The following DHX57 variants were observed in gnomAD, a reference collection of about 807,000 sequenced individuals.
DHX57 encodes the protein putative ATP-dependent RNA helicase DHX57.
Under a neutral mutation model 156.2 loss-of-function variants are expected in DHX57, and 105 were observed. That is an observed-to-expected ratio of 0.67 (90% confidence interval 0.57 to 0.79). DHX57 has a LOEUF of 0.79. DHX57 is among the 30% of genes least tolerant of loss of function. The pLI, the probability that DHX57 is intolerant of heterozygous loss-of-function variation, is 0.00. For missense variants in DHX57, 1,847 were observed against 1,661.9 expected (o/e 1.11, Z -1.94); for synonymous variants, 704 against 595.6 (o/e 1.18, Z -2.65).
Position 38,861,704 on chromosome 2 carries a change from C to A in DHX57, c.706G>T (p.Val236Phe). 1 of 1,614,200 alleles carries A rather than the reference C, an allele frequency of 6.2e-7. No individual in the cohort carries two copies. The highest frequency in any genetic ancestry group is 1.3e-5 in the African/African-American group (1 of 75,058). Residue 236 changes from valine to phenylalanine, a missense_variant, in exon 5 of 24, where the codon GTC becomes TTC. Physicochemically the swap from Val to Phe is conservative, Grantham distance 50. Transcript: ENST00000457308. ...CACTCATCCAAGCTTATCTGGTTGA[C>A]TGCCTCAGAGATCTTCATCCTCTCT... is the stretch of plus-strand genomic sequence containing the variant. ...FGERMKISEAVNQISLDECME... is the reference protein window; with the variant it reads ...FGERMKISEAFNQISLDECME...
At chr2:38,835,800 G>A (rs1209093429) in intron 13 of DHX57, among the ~76,000 whole-genome samples, 1 of 152,218 alleles carries the variant, frequency 6.6e-6, no homozygotes, top group Non-Finnish European at 1.5e-5. Flanking sequence ...GGACAAAGCT[G>A]TGTCCAGATG....
chr2:38,852,601 T>C (rs1041326639), intron 9 of DHX57, among the ~76,000 whole-genome samples: 2 of 151,328 alleles, frequency 1.3e-5, no homozygotes, highest in African/African-American at 4.8e-5. Context: ...TATTCAGACT[T>C]TTAATTTTTT....
Position 38,825,986 on chromosome 2 carries a change from G to A in DHX57, c.2875C>T (p.Leu959=). 1 of 1,614,198 alleles carries A rather than the reference G, an allele frequency of 6.2e-7. No homozygotes were observed. Among genetic ancestry groups the A allele is most frequent in the Non-Finnish European group, 8.5e-7 (1 of 1,180,032 alleles). Residue 959 remains leucine (L), a synonymous_variant, in exon 16 of 24, where the codon CTA becomes TTA. Coordinates refer to ENST00000457308, the MANE Select transcript of DHX57 (RefSeq NM_198963.3). The part of the protein sequence containing the change: ...EDTFVSQANA[L]QRKGRAGRVA... ...CGGCCTGCTCGGCCTTTCCTTTGTA[G>A]AGCATTAGCTTGAGATACAAAGGTG...
intron 9 of DHX57, 30 bp from the exon 10 acceptor site, chr2:38,848,432 TCAAA>T (rs778473587): frequency 6.4e-7 from 1 of 1,556,146 alleles, no homozygotes; most frequent in South Asian, 1.2e-5. Context: ...CACCTGAGGA[TCAAA>T]CAAATTCAAC....
chr2:38,855,311 A>C (rs1244573647), intron 7 of DHX57, 59 bp from the exon 8 acceptor site: 1 of 1,512,380 alleles, frequency 6.6e-7, no homozygotes, highest in Non-Finnish European at 9.2e-7. Flanking sequence ...TTAACTAAAG[A>C]AGCAATCATA....
intron 13 of DHX57, among the ~76,000 whole-genome samples, chr2:38,829,702 C>T (rs1671285456): frequency 6.6e-6 from 1 of 152,156 alleles, no homozygotes; most frequent in African/African-American, 2.4e-5. Flanking sequence ...TACAGGCATG[C>T]ACCACCACAC....
At chr2:38,810,622 G>T (rs1670193599) in intron 21 of DHX57, 2 of 640,756 alleles carry the variant, frequency 3.1e-6, no homozygotes, top group East Asian at 3.4e-5. Context: ...CTTGAAGATG[G>T]ATACCTGCAC....
chr2:38,853,965 T>A (rs1490097761), intron 9 of DHX57, 89 bp downstream of exon 9: 22 of 1,316,440 alleles, frequency 1.7e-5, no homozygotes, highest in Middle Eastern at 4.2e-4. Flanking sequence ...ACTAGCTGCA[T>A]GAAACTGAAT....
intron 22 of DHX57, 59 bp from the exon 23 acceptor site, chr2:38,802,974 C>G (rs1447265174): frequency 1.9e-6 from 3 of 1,579,288 alleles, no homozygotes; most frequent in Middle Eastern, 1.7e-4. Context: ...AAGGGAACAA[C>G]CCCCCAGTCC....
chr2:38,861,833 C>T lies in DHX57; in HGVS notation c.577G>A (p.Gly193Ser). 1 of 1,588,704 alleles carries T rather than the reference C, an allele frequency of 6.3e-7. No individual in the cohort carries two copies. The highest frequency in any genetic ancestry group is 8.6e-7 in the Non-Finnish European group (1 of 1,167,388). The change falls in exon 5 of 24, where the codon GGT (glycine) becomes AGT (serine). Residue 193 changes from glycine to serine, a missense_variant. Transcript: ENST00000457308. ...GCTTGACAGCGTTCAGTATTGAAAC[C>T]ATACCTGTCAAGGGCAAAACATGAC... is the stretch of plus-strand genomic sequence containing the variant. ...PFAVQKLSRY[G>S]FNTERCQAVL...
intron 23 of DHX57, among the ~76,000 whole-genome samples, chr2:38,800,363 A>G (rs1669624947): frequency 6.6e-6 from 1 of 152,120 alleles, no homozygotes; most frequent in Non-Finnish European, 1.5e-5. Context: ...CAAAAAAAAA[A>G]ATAAATAAGT....
intron 16 of DHX57, among the ~76,000 whole-genome samples, 196 bp from the exon 17 acceptor site, chr2:38,823,465 T>C (rs1670930370): frequency 6.6e-6 from 1 of 152,200 alleles, no homozygotes; most frequent in African/African-American, 2.4e-5. Flanking sequence ...AACAAAATTC[T>C]CTCTATAAAC....
Position 38,813,718 on chromosome 2 carries a change from C to T in DHX57, c.3681+103G>A, listed in dbSNP as rs563274378. On this transcript the variant is annotated intron_variant, in intron 21 of 23. Coordinates refer to ENST00000457308, the MANE Select transcript of DHX57 (RefSeq NM_198963.3). ...AAGGGTGTGCGTGTGTGCACACATG[C>T]GTATATATCTCTTTAAGATGATTAA... 2.8e-4 allele frequency: 370 copies of T among 1,339,360 alleles called. 1 individual carries two copies. Among genetic ancestry groups the T allele is most frequent in the South Asian group, 2.4e-3 (197 of 83,112 alleles). 83.0% of individuals were successfully genotyped at this position (1,339,360 alleles called of 1,614,324 possible).
intron 12 of DHX57, among the ~76,000 whole-genome samples, chr2:38,839,275 C>A (rs1441596782): frequency 6.6e-6 from 1 of 151,310 alleles, no homozygotes; most frequent in Non-Finnish European, 1.5e-5. Flanking sequence ...GGGTGACTAA[C>A]TCTTCAAAGA....
chr2:38,835,765 A>C (rs1390641132), intron 13 of DHX57, among the ~76,000 whole-genome samples: 1 of 152,220 alleles, frequency 6.6e-6, no homozygotes, highest in Non-Finnish European at 1.5e-5. Flanking sequence ...GAAAGCCATC[A>C]AGCCTAAAAC....
intron 13 of DHX57, among the ~76,000 whole-genome samples, chr2:38,834,570 T>C (rs1244209008): frequency 1.3e-5 from 2 of 152,200 alleles, no homozygotes; most frequent in Admixed American, 6.5e-5. Flanking sequence ...AAAAGTGATC[T>C]CTGTGGTTCT....
At chr2:38,852,570 G>C (rs1292678896) in intron 9 of DHX57, among the ~76,000 whole-genome samples, 1 of 149,668 alleles carries the variant, frequency 6.7e-6, no homozygotes, top group African/African-American at 2.5e-5. Context: ...CCATCTTCCT[G>C]GCCCTCCTCA....
In DHX57 at chr2:38,868,317, G is replaced by A; in HGVS notation, c.89C>T (p.Ala30Val). 1 of 1,613,752 alleles carries A rather than the reference G, an allele frequency of 6.2e-7. No individual in the cohort carries two copies. Among genetic ancestry groups the A allele is most frequent in the Non-Finnish European group, 8.5e-7 (1 of 1,179,980 alleles). ...SRGGRGGRSH[A>V]SKSHGSGGGG... ...GCCACCACTCCCATGAGATTTACTG[G>A]CGTGACTCCTGCCTCCTCTTCCTCC... is the stretch of plus-strand genomic sequence containing the variant. Residue 30 changes from alanine to valine, a missense_variant, in exon 2 of 24, where the codon GCC (alanine) becomes GTC (valine). Coordinates refer to ENST00000457308, the MANE Select transcript of DHX57 (RefSeq NM_198963.3).
At chr2:38,808,521 T>C (rs967162707) in intron 21 of DHX57, among the ~76,000 whole-genome samples, 2 of 152,208 alleles carry the variant, frequency 1.3e-5, no homozygotes, top group Non-Finnish European at 2.9e-5. Flanking sequence ...GAATTTATAA[T>C]AATTTAACCA....
Sources: gnomAD v4.1 joint callset for allele counts (sites outside exome capture counted in the v4.1 genomes callset) on GRCh38, gnomAD v4.1.1 for gene constraint, MANE v1.5 for transcripts, NCBI Gene and HGNC (gene_info 2026-07-23, HGNC 2026-07-21) for gene names.